ENTREP2: variants seen among roughly 807,000 people sequenced by gnomAD.
ENTREP2 encodes endosomal transmembrane epsin interactor 2, also known as protein ENTREP2.
chr15:29,653,563 ATAAGTGTTTGG>A, the ENTREP2 span, among the ~76,000 whole-genome samples: 4 of 152,160 alleles, frequency 2.6e-5, no homozygotes, highest in Non-Finnish European at 4.4e-5. Context: ...CGATGGTTTG[ATAAGTGTTTGG>A]TAGTTCCTCC....
chr15:29,163,852 G>C, the ENTREP2 span, among the ~76,000 whole-genome samples: 2 of 152,178 alleles, frequency 1.3e-5, no homozygotes, highest in Non-Finnish European at 2.9e-5. Flanking sequence ...TCATTGCCTA[G>C]GCATATTGTC....
chr15:29,409,515 A>G, the ENTREP2 span, among the ~76,000 whole-genome samples: 2 of 151,916 alleles, frequency 1.3e-5, no homozygotes, highest in Non-Finnish European at 2.9e-5. Flanking sequence ...TAGTAGAGAC[A>G]GGTTTCACCA....
At chr15:29,535,666 G>A in the ENTREP2 span, among the ~76,000 whole-genome samples, 1 of 152,118 alleles carries the variant, frequency 6.6e-6, no homozygotes, top group African/African-American at 2.4e-5. Flanking sequence ...TCTAGCCTGG[G>A]TGATAAAGCA....
At chr15:29,651,353 T>C in the ENTREP2 span, among the ~76,000 whole-genome samples, 1 of 152,140 alleles carries the variant, frequency 6.6e-6, no homozygotes, top group African/African-American at 2.4e-5. Flanking sequence ...AAGACACCAA[T>C]TGGAAATATT....
chr15:29,548,008 G>A, the ENTREP2 span, among the ~76,000 whole-genome samples: 3 of 152,148 alleles, frequency 2.0e-5, no homozygotes, highest in Non-Finnish European at 2.9e-5. Context: ...CCACTTCTAT[G>A]AGGTATGTAA....
At chr15:29,305,899 C>G in the ENTREP2 span, among the ~76,000 whole-genome samples, 19,236 of 152,132 alleles carry the variant, frequency 0.13, 1,617 homozygotes, top group African/African-American at 0.25. Context: ...CTCGGGGCTT[C>G]GTGCTGAAGC....
the ENTREP2 span, among the ~76,000 whole-genome samples, chr15:29,242,392 AC>A: frequency 2.0e-5 from 3 of 152,108 alleles, no homozygotes; most frequent in Non-Finnish European, 4.4e-5. Flanking sequence ...AAATTAAAAA[AC>A]GTGTATATTT....
chr15:29,416,506 T>A, the ENTREP2 span, among the ~76,000 whole-genome samples: 30 of 152,184 alleles, frequency 2.0e-4, no homozygotes, highest in African/African-American at 7.2e-4. Flanking sequence ...TCAAGGTGGA[T>A]TAAAGACTTA....
At chr15:29,135,954 G>A in the ENTREP2 span, among the ~76,000 whole-genome samples, 2 of 152,076 alleles carry the variant, frequency 1.3e-5, no homozygotes, top group Non-Finnish European at 2.9e-5. This position sits in a 1 kb window ranked among gnomAD's most constrained non-coding sequence, Gnocchi z 7.4. Context: ...TCTCCCCTTG[G>A]GTCAGGAGCT....
the ENTREP2 span, among the ~76,000 whole-genome samples, chr15:29,338,808 T>C: frequency 6.6e-6 from 1 of 152,232 alleles, no homozygotes; most frequent in Non-Finnish European, 1.5e-5. Flanking sequence ...TTTTTAAAAA[T>C]ACCATTTCCA....
chr15:29,239,997 G>A, the ENTREP2 span, among the ~76,000 whole-genome samples: 2 of 152,066 alleles, frequency 1.3e-5, no homozygotes, highest in African/African-American at 4.8e-5. Context: ...TCTTTTAATT[G>A]TCAGTATAAT....
At chr15:29,448,930 T>C in the ENTREP2 span, among the ~76,000 whole-genome samples, 1 of 152,146 alleles carries the variant, frequency 6.6e-6, no homozygotes, top group African/African-American at 2.4e-5. Flanking sequence ...CAAGAACACA[T>C]TTCACCTGCA....
the ENTREP2 span, among the ~76,000 whole-genome samples, chr15:29,360,349 G>T: frequency 6.6e-6 from 1 of 151,912 alleles, no homozygotes; most frequent in African/African-American, 2.4e-5. Context: ...TCTATTAGGA[G>T]ACCATGAAGA....
chr15:29,264,139 A>G, the ENTREP2 span, among the ~76,000 whole-genome samples: 1 of 74,336 alleles, frequency 1.3e-5, no homozygotes, highest in African/African-American at 8.3e-5. Flanking sequence ...TGGGCGACAG[A>G]GCGAGACTCC....
At chr15:29,450,875 C>A in the ENTREP2 span, among the ~76,000 whole-genome samples, 1 of 152,118 alleles carries the variant, frequency 6.6e-6, no homozygotes, top group Admixed American at 6.5e-5. Context: ...ACTGCATGTT[C>A]TCACTTAAAA....
At chr15:29,172,536 T>C in the ENTREP2 span, among the ~76,000 whole-genome samples, 3 of 151,916 alleles carry the variant, frequency 2.0e-5, no homozygotes, top group Non-Finnish European at 2.9e-5. Context: ...CAGGTGCCCA[T>C]TGCTGGAGTG....
the ENTREP2 span, among the ~76,000 whole-genome samples, chr15:29,454,973 C>T: frequency 2.5e-4 from 38 of 152,202 alleles, no homozygotes; most frequent in African/African-American, 9.2e-4. Flanking sequence ...AGGCCTAACA[C>T]GTTGACAGTC....
At chr15:29,136,361 C>T in the ENTREP2 span, 1 of 1,499,050 alleles carries the variant, frequency 6.7e-7, no homozygotes, top group Non-Finnish European at 8.8e-7. Flanking sequence ...GGCCCCAGGC[C>T]TCACCTGGCT....
At chr15:29,253,736 C>T in the ENTREP2 span, among the ~76,000 whole-genome samples, 4 of 151,878 alleles carry the variant, frequency 2.6e-5, no homozygotes, top group African/African-American at 4.8e-5. Flanking sequence ...CCACCACGCC[C>T]GGCCAATATT....
Sources: gnomAD v4.1 joint callset for allele counts (sites outside exome capture counted in the v4.1 genomes callset) on GRCh38, gnomAD v4.1.1 for gene constraint, Gnocchi (gnomAD v3.1) non-coding constraint, MANE v1.5 for transcripts, NCBI Gene and HGNC (gene_info 2026-07-23, HGNC 2026-07-21) for gene names.